NELL2: variants seen among roughly 807,000 people sequenced by gnomAD.
The protein encoded by NELL2 is neural EGFL like 2, also known as protein kinase C-binding protein NELL2.
Under a neutral mutation model 109.6 loss-of-function variants are expected in NELL2, and 41 were observed. That is an observed-to-expected ratio of 0.37 (90% CI 0.29 to 0.49). NELL2 has a LOEUF of 0.49. Among genes scored for constraint, NELL2 ranks in the 20% least tolerant of loss-of-function variants. NELL2 has a pLI of 0.98. For missense variants in NELL2, 900 were observed against 1,008.3 expected (o/e 0.89, Z 1.45); for synonymous variants, 355 against 344.7 (o/e 1.03, Z -0.33).
upstream of NELL2, among the ~76,000 whole-genome samples, chr12:44,914,571 T>C (rs1255665809): frequency 2.0e-5 from 3 of 152,244 alleles, no homozygotes; most frequent in South Asian, 6.2e-4. Context: ...CCATGTTTCA[T>C]ATTTATCTCA....
chr12:44,707,055 T>C (rs964507074), intron 11 of NELL2, among the ~76,000 whole-genome samples: 1 of 152,202 alleles, frequency 6.6e-6, no homozygotes, highest in Non-Finnish European at 1.5e-5. Flanking sequence ...TGAATATTTA[T>C]AGGTTTTGCC....
At chr12:44,871,124 T>C (rs2703057) in intron 2 of NELL2, among the ~76,000 whole-genome samples, 10 of 152,130 alleles carry the variant, frequency 6.6e-5, no homozygotes, top group African/African-American at 2.4e-4. Flanking sequence ...TCCCTTTGCC[T>C]ATCCCCATAG....
chr12:44,512,735 A>C (rs1457475727), intron 19 of NELL2, among the ~76,000 whole-genome samples: 2 of 152,204 alleles, frequency 1.3e-5, no homozygotes, highest in South Asian at 2.1e-4. Flanking sequence ...TACATACTAC[A>C]TGTTCTCTCT....
At chr12:44,562,911 C>T (rs548280160) in intron 15 of NELL2, among the ~76,000 whole-genome samples, 92 of 152,172 alleles carry the variant, frequency 6.0e-4, no homozygotes, top group Non-Finnish European at 1.2e-3. Context: ...AGCTTGGAAG[C>T]AACCCAAATG....
chr12:44,533,617 C>T (rs1240130409), intron 15 of NELL2, among the ~76,000 whole-genome samples: 2 of 152,082 alleles, frequency 1.3e-5, no homozygotes, highest in Non-Finnish European at 2.9e-5. Context: ...ATATTTCCTC[C>T]AGAGGCTTAT....
chr12:44,797,062 G>C (rs1373092792), intron 3 of NELL2, among the ~76,000 whole-genome samples: 4 of 151,726 alleles, frequency 2.6e-5, no homozygotes, highest in African/African-American at 4.8e-5. Flanking sequence ...ATTAAGAACA[G>C]GTATTAAAAA....
chr12:44,598,883 ACTCTCTCTCTCTCTCTCT>A (rs71459071), intron 15 of NELL2, among the ~76,000 whole-genome samples: 2 of 143,924 alleles, frequency 1.4e-5, no homozygotes, highest in South Asian at 2.2e-4. Context: ...ACACACACAC[ACTCTCTCTCTCTCTCTCT>A]CTCTCTCTCA....
chr12:44,714,890 G>A, intron 9 of NELL2, 149 bp from the exon 10 acceptor site: 1 of 432,560 alleles, frequency 2.3e-6, no homozygotes, highest in Non-Finnish European at 4.2e-6. Flanking sequence ...CTACTGCAAG[G>A]CACATGTAAA....
intron 16 of NELL2, among the ~76,000 whole-genome samples, chr12:44,527,781 C>T (rs1049299926): frequency 2.0e-5 from 3 of 151,906 alleles, no homozygotes; most frequent in Non-Finnish European, 4.4e-5. Flanking sequence ...AAAAATATAA[C>T]TTAGATGTGT....
chr12:44,800,872 C>T (rs1316630040), intron 3 of NELL2, among the ~76,000 whole-genome samples: 1 of 152,136 alleles, frequency 6.6e-6, no homozygotes, highest in Non-Finnish European at 1.5e-5. Context: ...AGAACAAAGT[C>T]ACACGGGACA....
chr12:44,674,492 G>A (rs555580545), intron 12 of NELL2, among the ~76,000 whole-genome samples: 1 of 152,108 alleles, frequency 6.6e-6, no homozygotes, highest in Non-Finnish European at 1.5e-5. Flanking sequence ...TGCTGCAGAA[G>A]GAGCAAAAAC....
chr12:44,648,322 C>A (rs867884527), intron 13 of NELL2, among the ~76,000 whole-genome samples: 1 of 152,136 alleles, frequency 6.6e-6, no homozygotes, highest in Non-Finnish European at 1.5e-5. Context: ...AAAGCTAAGA[C>A]CTTTAGTTCG....
intron 15 of NELL2, among the ~76,000 whole-genome samples, chr12:44,584,555 G>T (rs914385594): frequency 6.6e-6 from 1 of 152,148 alleles, no homozygotes; most frequent in African/African-American, 2.4e-5. Flanking sequence ...GTTCTGTTTG[G>T]CAAGGTTAGG....
chr12:44,913,211 G>A (rs1945798566), intron 1 of NELL2, among the ~76,000 whole-genome samples: 1 of 151,954 alleles, frequency 6.6e-6, no homozygotes, highest in Non-Finnish European at 1.5e-5. Context: ...GATAACACAA[G>A]GCCATTTGGG....
At position 44,703,767 on chromosome 12, in the gene NELL2, T is replaced by A. The variant is rs1386365164; in HGVS notation, c.1277A>T (p.Asp426Val). 1.2e-6 allele frequency: 2 copies of A among 1,613,186 alleles called. No homozygotes were observed. Among genetic ancestry groups the A allele is most frequent in the Non-Finnish European group, 1.7e-6 (2 of 1,179,606 alleles). Residue 426 changes from aspartate (D) to valine (V), a missense_variant, in exon 12 of 20, where the codon GAT (aspartate) becomes GTT (valine). Physicochemically the swap from Asp to Val is radical, Grantham distance 152. This residue lies in a region of NELL2 where 292 missense variants were observed against 265.3 expected (regional missense o/e 1.10). Coordinates refer to ENST00000429094, the MANE Select transcript of NELL2 (RefSeq NM_001145108.2). ...LNDRAVCSCR[D>V]GFRALREDNA... ...ATCCTCTCGAAGAGCCCTAAAACCA[T>A]CTCGACAGCTACAAACAGCCCTGTC...
At chr12:44,824,496 T>G (rs972058894) in intron 2 of NELL2, among the ~76,000 whole-genome samples, 1 of 152,074 alleles carries the variant, frequency 6.6e-6, no homozygotes, top group African/African-American at 2.4e-5. Flanking sequence ...CACTATTTAT[T>G]GAAGAGACTG....
At chr12:44,663,612 T>C (rs1033834172) in intron 13 of NELL2, among the ~76,000 whole-genome samples, 2 of 152,140 alleles carry the variant, frequency 1.3e-5, no homozygotes, top group Non-Finnish European at 2.9e-5. Context: ...TACTTTGAAA[T>C]GGTAAGGGAA....
chr12:44,914,196 GT>G, upstream of NELL2: 1 of 153,442 alleles, frequency 6.5e-6, no homozygotes, highest in East Asian at 1.9e-4. Flanking sequence ...ACCCTCAGTG[GT>G]TTTCCATCTC....
intron 2 of NELL2, among the ~76,000 whole-genome samples, chr12:44,838,361 C>G (rs1002976941): frequency 1.3e-5 from 2 of 152,154 alleles, no homozygotes; most frequent in African/African-American, 4.8e-5. Flanking sequence ...CAAATTGTAT[C>G]AGTCCCTTGC....
Sources: gnomAD v4.1 joint callset for allele counts (sites outside exome capture counted in the v4.1 genomes callset) on GRCh38, gnomAD v4.1.1 for gene constraint, gnomAD v4.1.1 regional missense constraint, MANE v1.5 for transcripts, NCBI Gene and HGNC (gene_info 2026-07-23, HGNC 2026-07-21) for gene names.